The following THSD7B variants were observed in gnomAD, a reference collection of about 807,000 sequenced individuals.
The protein encoded by THSD7B is thrombospondin type 1 domain containing 7B, also known as thrombospondin type-1 domain-containing protein 7B.
A neutral mutation model predicts 213.6 loss-of-function variants in THSD7B; 138 were observed. The observed-to-expected ratio is 0.65, with a 90% CI of 0.56 to 0.74. The LOEUF is 0.74. THSD7B is among the 30% of genes least tolerant of loss of function. The probability of loss-of-function intolerance (pLI) is 0.00; values close to 1 mark genes in which losing one functional copy is unlikely to be tolerated. For missense variants in THSD7B, 1,931 were observed against 1,991.5 expected, an observed-to-expected ratio of 0.97 and a Z score of 0.58; for synonymous variants, 742 against 687.0, an observed-to-expected ratio of 1.08 and a Z score of -1.25.
intron 4 of THSD7B, 85 bp downstream of exon 4, chr2:137,095,206 A>C (rs1179587555): frequency 6.5e-7 from 1 of 1,530,250 alleles, no homozygotes; most frequent in African/African-American, 1.4e-5. Flanking sequence ...AGTAGCTGTG[A>C]CTCATATTTA....
At chr2:137,507,481 G>A (rs1343333161) in intron 15 of THSD7B, among the ~76,000 whole-genome samples, 1 of 152,176 alleles carries the variant, frequency 6.6e-6, no homozygotes, top group East Asian at 1.9e-4. Flanking sequence ...TGAGCAGCTA[G>A]CTTTGCCACT....
At position 137,011,113 on chromosome 2, in the gene THSD7B, C is replaced by T. The variant is rs1445719176; in HGVS notation, c.140-45307C>T. On this transcript the variant is annotated intron_variant, in intron 2 of 27. Transcript: ENST00000409968. Reference sequence around the variant, plus strand: ...TCTCTGACCTACTTCCCCTTCACACCAACAGGAGTAAGTATATGACTTGCC... The same window carrying T: ...TCTCTGACCTACTTCCCCTTCACACTAACAGGAGTAAGTATATGACTTGCC... Among the ~76,000 whole-genome samples, 8 of 152,166 alleles carry T rather than the reference C, an allele frequency of 5.3e-5. No homozygotes were observed. The East Asian group carries it at 1.5e-3, about 29-fold the overall frequency.
At chr2:136,789,428 G>C (rs1681923178) in intron 1 of THSD7B, among the ~76,000 whole-genome samples, 1 of 151,994 alleles carries the variant, frequency 6.6e-6, no homozygotes, top group African/African-American at 2.4e-5. Context: ...AAAGATCAAA[G>C]AAATCAGGGT....
At chr2:137,087,678 A>G (rs1687864903) in intron 3 of THSD7B, among the ~76,000 whole-genome samples, 1 of 152,240 alleles carries the variant, frequency 6.6e-6, no homozygotes, top group Non-Finnish European at 1.5e-5. Flanking sequence ...AACACATCCC[A>G]TGCTTATGGA....
chr2:136,904,683 G>T (rs1684126349), intron 2 of THSD7B, among the ~76,000 whole-genome samples: 1 of 152,202 alleles, frequency 6.6e-6, no homozygotes, highest in African/African-American at 2.4e-5. Context: ...CCCAGGTGAA[G>T]AGAAGCAATG....
intron 20 of THSD7B, among the ~76,000 whole-genome samples, chr2:137,636,429 T>C (rs1682833433): frequency 6.6e-6 from 1 of 152,224 alleles, no homozygotes; most frequent in Non-Finnish European, 1.5e-5. Flanking sequence ...ACAGCTATCA[T>C]AAAATTATGT....
At position 136,933,112 on chromosome 2, in the gene THSD7B, C is replaced by A. The variant is rs113676762; in HGVS notation, c.139+50795C>A. 3.1e-3 allele frequency among the ~76,000 whole-genome samples: 106 copies of A among 33,680 alleles called. 1 individual carries two copies. The highest frequency in any genetic ancestry group is 6.9e-3 in the African/African-American group (106 of 15,472). 22.1% of individuals were successfully genotyped at this position (33,680 alleles called of 152,430 possible). A position where few individuals can be genotyped will look rare whatever the true frequency, so the allele number is the denominator to read the frequency against. The stretch of plus-strand genomic sequence containing the variant: ...AGATTATATATTTTGCCCGCCATTC[C>A]TTCCTTCCTTCCTTCCTTCCTTCCT... On this transcript the variant is annotated intron_variant, in intron 2 of 27. Coordinates refer to ENST00000409968, the MANE Select transcript of THSD7B (RefSeq NM_001316349.2).
At chr2:136,855,806 T>C (rs1474744162) in intron 1 of THSD7B, among the ~76,000 whole-genome samples, 1 of 151,796 alleles carries the variant, frequency 6.6e-6, no homozygotes, top group African/African-American at 2.4e-5. Flanking sequence ...CCCTCCCTCA[T>C]TGATTATGAT....
At chr2:137,181,719 T>C (rs1179320863) in intron 7 of THSD7B, among the ~76,000 whole-genome samples, 2 of 152,068 alleles carry the variant, frequency 1.3e-5, no homozygotes, top group Non-Finnish European at 2.9e-5. Context: ...CAATTAATGA[T>C]ATGTAGCATC....
chr2:137,402,284 A>G (rs911105193), intron 12 of THSD7B, among the ~76,000 whole-genome samples: 1 of 152,138 alleles, frequency 6.6e-6, no homozygotes, highest in Non-Finnish European at 1.5e-5. Flanking sequence ...GTTTGACTAC[A>G]ATATGTGTGA....
chr2:137,257,691 A>G (rs887625948), intron 10 of THSD7B, among the ~76,000 whole-genome samples: 1 of 152,186 alleles, frequency 6.6e-6, no homozygotes, highest in Non-Finnish European at 1.5e-5. Context: ...CTTTCTCTCC[A>G]GGCCAGGATC....
intron 5 of THSD7B, among the ~76,000 whole-genome samples, chr2:137,145,223 A>G (rs1679670398): frequency 6.6e-6 from 1 of 152,210 alleles, no homozygotes; most frequent in Admixed American, 6.6e-5. Context: ...ACTATAGATG[A>G]AAGGAGTATC....
At chr2:137,454,523 C>T (rs1450558048) in intron 15 of THSD7B, among the ~76,000 whole-genome samples, 1 of 151,390 alleles carries the variant, frequency 6.6e-6, no homozygotes, top group Non-Finnish European at 1.5e-5. Flanking sequence ...TCTGTGGTGA[C>T]TTCATTATAC....
intron 5 of THSD7B, among the ~76,000 whole-genome samples, chr2:137,116,282 G>A (rs967540274): frequency 6.6e-6 from 1 of 152,164 alleles, no homozygotes; most frequent in African/African-American, 2.4e-5. Context: ...CACATTGACA[G>A]GGCTACAGCT....
chr2:137,573,237 G>GA (rs986677979), intron 17 of THSD7B, among the ~76,000 whole-genome samples: 1 of 151,972 alleles, frequency 6.6e-6, no homozygotes, highest in South Asian at 2.1e-4. Context: ...AGTAAACACT[G>GA]AAAAAAATGA....
chr2:137,391,405 C>T (rs898371243), intron 12 of THSD7B, among the ~76,000 whole-genome samples: 8 of 151,944 alleles, frequency 5.3e-5, no homozygotes, highest in African/African-American at 1.7e-4. Flanking sequence ...TTTTAAAGAA[C>T]AGGCCAGGTG....
At chr2:137,551,837 C>T (rs974244157) in intron 15 of THSD7B, among the ~76,000 whole-genome samples, 10 of 152,050 alleles carry the variant, frequency 6.6e-5, no homozygotes, top group Admixed American at 1.3e-4. Flanking sequence ...GCCTGCAAAC[C>T]GGAGGATAGC....
intron 1 of THSD7B, among the ~76,000 whole-genome samples, chr2:136,771,961 T>C (rs1681514492): frequency 6.6e-6 from 1 of 152,178 alleles, no homozygotes; most frequent in Non-Finnish European, 1.5e-5. Flanking sequence ...AATTGCTGCA[T>C]ACCTAGCTAG....
intron 12 of THSD7B, among the ~76,000 whole-genome samples, chr2:137,316,625 G>A (rs1684112760): frequency 6.6e-6 from 1 of 152,084 alleles, no homozygotes. Context: ...AGGCGCGGTG[G>A]TGGGTGCCTG....
Sources: gnomAD v4.1 joint callset for allele counts (sites outside exome capture counted in the v4.1 genomes callset) on GRCh38, gnomAD v4.1.1 for gene constraint, MANE v1.5 for transcripts, NCBI Gene and HGNC (gene_info 2026-07-23, HGNC 2026-07-21) for gene names.